Variants in PLCH1 observed in about 807,000 individuals in gnomAD.
PLCH1 encodes the protein 1-phosphatidylinositol 4,5-bisphosphate phosphodiesterase eta-1.
A neutral mutation model predicts 126.7 loss-of-function variants in PLCH1; 60 were observed. That is an observed-to-expected ratio of 0.47 (90% CI 0.38 to 0.59). The LOEUF (loss-of-function observed/expected upper bound fraction) is 0.59. Among genes scored for constraint, PLCH1 ranks in the 20% least tolerant of loss-of-function variants. The pLI, the probability that PLCH1 is intolerant of heterozygous loss-of-function variation, is 0.00. For synonymous variants in PLCH1, 719 were observed against 734.9 expected (o/e 0.98, Z 0.35); for missense variants, 1,723 against 2,040.0 (o/e 0.84, Z 2.99).
chr3:155,556,531 T>C (rs141348959), intron 8 of PLCH1, among the ~76,000 whole-genome samples: 3 of 152,346 alleles, frequency 2.0e-5, no homozygotes, highest in East Asian at 1.9e-4. Flanking sequence ...ATTGTAATGG[T>C]TAATTTTTCA....
chr3:155,702,812 G>T (rs951362319), intron 2 of PLCH1, among the ~76,000 whole-genome samples: 1 of 152,060 alleles, frequency 6.6e-6, no homozygotes, highest in East Asian at 1.9e-4. Context: ...GAATAAATTT[G>T]CAACAGAACA....
intron 1 of PLCH1, 48 bp downstream of exon 1, chr3:155,744,792 G>GCA (rs1749868670): frequency 6.6e-6 from 1 of 152,642 alleles, no homozygotes; most frequent in African/African-American, 2.4e-5. Context: ...TCTTTTTCCT[G>GCA]CACACCCCCT....
At chr3:155,498,586 G>A (rs1293702604) in intron 14 of PLCH1, among the ~76,000 whole-genome samples, 1 of 152,154 alleles carries the variant, frequency 6.6e-6, no homozygotes, top group East Asian at 1.9e-4. Context: ...GGCTAAAATG[G>A]AACAGAAACA....
intron 21 of PLCH1, among the ~76,000 whole-genome samples, chr3:155,452,362 G>T (rs1712331134): frequency 6.6e-6 from 1 of 152,120 alleles, no homozygotes; most frequent in Non-Finnish European, 1.5e-5. Flanking sequence ...GGGAATTATG[G>T]GAGTATAATT....
intron 2 of PLCH1, among the ~76,000 whole-genome samples, chr3:155,685,882 T>C (rs2109026270): frequency 6.6e-6 from 1 of 152,310 alleles, no homozygotes; most frequent in Non-Finnish European, 1.5e-5. Flanking sequence ...ACAAGAGGCT[T>C]GGCTCTAACC....
intron 2 of PLCH1, among the ~76,000 whole-genome samples, chr3:155,599,494 G>T (rs1475626496): frequency 1.3e-5 from 2 of 152,166 alleles, no homozygotes; most frequent in African/African-American, 2.4e-5. Flanking sequence ...AAACCAGGTT[G>T]TGGGGGGACT....
intron 2 of PLCH1, among the ~76,000 whole-genome samples, chr3:155,669,815 CA>C (rs2108977663): frequency 6.6e-6 from 1 of 152,290 alleles, no homozygotes; most frequent in South Asian, 2.1e-4. Flanking sequence ...CATATTTCAA[CA>C]AGTAGAAATA....
At chr3:155,534,948 T>G (rs1377286473) in intron 10 of PLCH1, among the ~76,000 whole-genome samples, 1 of 152,220 alleles carries the variant, frequency 6.6e-6, no homozygotes, top group Admixed American at 6.5e-5. Flanking sequence ...TGTGAAACTG[T>G]GAGTCAATTA....
At chr3:155,716,557 G>C (rs1198838938) in intron 1 of PLCH1, among the ~76,000 whole-genome samples, 1 of 152,176 alleles carries the variant, frequency 6.6e-6, no homozygotes, top group African/African-American at 2.4e-5. Flanking sequence ...GCAGGCATCT[G>C]ACATGGCAGG....
chr3:155,641,402 T>C (rs1489865862), intron 2 of PLCH1, among the ~76,000 whole-genome samples: 26 of 152,122 alleles, frequency 1.7e-4, no homozygotes, highest in Non-Finnish European at 1.5e-5. Context: ...TCCTTAACTG[T>C]GTTTGATCTA....
rs1231010670 is a variant in PLCH1 at position 155,496,963 on chromosome 3, C to T, written c.1894+357G>A. On this transcript the variant is annotated intron_variant, in intron 15 of 22. Coordinates refer to ENST00000460012, the MANE Select transcript of PLCH1 (RefSeq NM_014996.4). ...CAATTAATTTCTTCTTTTGGTCATT[C>T]GCATTTGGAATGGCCATCTGTGACC... Among the ~76,000 whole-genome samples the T allele has an allele frequency of 2.6e-5, 4 of 152,290 alleles. 1 individual carries two copies. In the South Asian group the frequency reaches 6.2e-4, roughly 24 times the overall value.
chr3:155,735,900 G>A lies in PLCH1; in HGVS notation c.-41+8940C>T, dbSNP rs73873406. Among the ~76,000 whole-genome samples, 831 of 152,246 alleles carry A rather than the reference G, an allele frequency of 5.5e-3. 9 individuals carry two copies. Among genetic ancestry groups the A allele is most frequent in the African/African-American group, 0.019 (796 of 41,556 alleles). ...AGAAACTAATAACACTTTTCTACGGGAGGAAAAACTGAATGGCTGAGGAAC... is the reference window on the plus strand; with the variant it reads ...AGAAACTAATAACACTTTTCTACGGAAGGAAAAACTGAATGGCTGAGGAAC... On this transcript the variant is annotated intron_variant, in intron 1 of 22. Coordinates refer to ENST00000460012, the MANE Select transcript of PLCH1 (RefSeq NM_014996.4).
At chr3:155,588,238 C>T (rs1166269631) in intron 4 of PLCH1, among the ~76,000 whole-genome samples, 3 of 152,088 alleles carry the variant, frequency 2.0e-5, no homozygotes, top group African/African-American at 7.2e-5. Context: ...TAGCCCAGCT[C>T]TTTCTAGTTC....
intron 6 of PLCH1, among the ~76,000 whole-genome samples, chr3:155,576,172 TGGA>T (rs938990189): frequency 6.6e-6 from 1 of 152,074 alleles, no homozygotes; most frequent in African/African-American, 2.4e-5. Context: ...ATAGGAACTC[TGGA>T]GGAGATGTAG....
At chr3:155,694,680 C>CA (rs1299009616) in intron 2 of PLCH1, among the ~76,000 whole-genome samples, 1 of 152,128 alleles carries the variant, frequency 6.6e-6, no homozygotes, top group Non-Finnish European at 1.5e-5. Flanking sequence ...GACAAACAGA[C>CA]AAAAACATTT....
intron 2 of PLCH1, among the ~76,000 whole-genome samples, chr3:155,621,275 C>G (rs1447731422): frequency 6.6e-6 from 1 of 152,160 alleles, no homozygotes; most frequent in African/African-American, 2.4e-5. Flanking sequence ...ACATCAAAGA[C>G]TAAAGGTAGA....
At chr3:155,575,330 A>G (rs1362198495) in intron 6 of PLCH1, among the ~76,000 whole-genome samples, 1 of 152,180 alleles carries the variant, frequency 6.6e-6, no homozygotes, top group Non-Finnish European at 1.5e-5. Flanking sequence ...AACTCTTACC[A>G]AACCATTCTG....
chr3:155,459,172 G>A (rs1354334777), intron 21 of PLCH1, among the ~76,000 whole-genome samples: 2 of 152,202 alleles, frequency 1.3e-5, no homozygotes, highest in African/African-American at 4.8e-5. Context: ...GATAATTATA[G>A]GACTTTGGCA....
chr3:155,606,862 T>A (rs1734434177), intron 2 of PLCH1, among the ~76,000 whole-genome samples: 1 of 152,230 alleles, frequency 6.6e-6, no homozygotes, highest in African/African-American at 2.4e-5. Context: ...ATAAATGGGA[T>A]CTTTAATCCC....
Sources: allele counts gnomAD v4.1 joint callset (sites outside exome capture counted in the v4.1 genomes callset), GRCh38; gene constraint gnomAD v4.1.1; transcripts MANE v1.5; gene names NCBI Gene and HGNC (gene_info 2026-07-23, HGNC 2026-07-21).